DDHD1: variants seen among roughly 807,000 people sequenced by gnomAD.
DDHD1 encodes the protein phospholipase DDHD1.
A neutral mutation model predicts 96.4 loss-of-function variants in DDHD1; 49 were observed. The ratio of observed to expected loss-of-function variants is 0.51; its 90% CI spans 0.40 to 0.64. DDHD1 has a LOEUF of 0.64. Ranked by LOEUF, DDHD1 falls within the 30% of genes least tolerant of loss-of-function variation. DDHD1 has a pLI of 0.00. For synonymous variants in DDHD1, 442 were observed against 446.5 expected (o/e 0.99, Z 0.13); for missense variants, 1,106 against 1,161.2 (o/e 0.95, Z 0.69).
intron 2 of DDHD1, among the ~76,000 whole-genome samples, chr14:53,094,973 T>G (rs1266113957): frequency 1.3e-5 from 2 of 152,312 alleles, no homozygotes; most frequent in East Asian, 3.9e-4. Context: ...AGCCAGGGAA[T>G]GTGTCTTGAC....
intron 1 of DDHD1, among the ~76,000 whole-genome samples, chr14:53,105,591 C>T (rs113401877): frequency 6.6e-6 from 1 of 152,116 alleles, no homozygotes; most frequent in Non-Finnish European, 1.5e-5. Context: ...CTTTGTTCAG[C>T]AAAATGGAAA....
At chr14:53,147,064 C>A (rs766580565) in intron 1 of DDHD1, among the ~76,000 whole-genome samples, 14 of 151,904 alleles carry the variant, frequency 9.2e-5, no homozygotes, top group Admixed American at 6.6e-4. Context: ...ATCTCTTTTG[C>A]CAATATTTTT....
rs1566615341 is a variant in DDHD1 at position 53,152,595 on chromosome 14, T to C, written c.504A>G (p.Val168=). Residue 168 remains valine, a synonymous_variant, in exon 1 of 13, where the codon GTA becomes GTG. Transcript: ENST00000673822. ...TCTTGTCCTCCTTGTAGAACCAGCG[T>C]ACCTCCTCCGGGCCCAGCTCCGTCA... ...EVVTELGPEE[V]RWFYKEDKKT... is the part of the protein sequence containing the mutation. 6.2e-7 allele frequency: 1 copy of C among 1,613,786 alleles called. No homozygotes were observed. The highest frequency in any genetic ancestry group is 2.2e-5 in the East Asian group (1 of 44,844).
rs767690171 is a variant in DDHD1 at position 53,152,787 on chromosome 14, G to A, written c.312C>T (p.Ser104=). 180 of 1,594,194 alleles carry A rather than the reference G, an allele frequency of 1.1e-4. No homozygotes were observed. Among genetic ancestry groups the A allele is most frequent in the Non-Finnish European group, 1.5e-4 (171 of 1,173,592 alleles). ...TGCCGCCGCCGCCGCTCTCACCCTC[G>A]CTGTAGTAGCGCAGCGAGGAGCCCG... ...AESGSSLRYY[S]EGESGGGGSS... is the part of the protein sequence containing the mutation. Residue 104 remains serine (S), a synonymous_variant, in exon 1 of 13, where the codon AGC becomes AGT. Coordinates refer to ENST00000673822, the MANE Select transcript of DDHD1 (RefSeq NM_001160148.2).
In DDHD1 at chr14:53,153,122, C is replaced by T. The variant is rs1891592156; in HGVS notation, c.-24G>A. The T allele has an allele frequency of 8.8e-6, 12 of 1,369,622 alleles. No individual in the cohort carries two copies. The highest frequency in any genetic ancestry group is 1.1e-5 in the Non-Finnish European group (12 of 1,071,706). The allele number at this position is 1,369,622 out of a possible 1,614,324, so 84.8% of individuals were successfully genotyped here. A position where few individuals can be genotyped will look rare whatever the true frequency, so the allele number is the denominator to read the frequency against. ...ATGCTGTGGAGACGCCGCCGGCTGT[C>T]CGGCGGCGCGCGGAGCCGTGACCCC... is the stretch of plus-strand genomic sequence containing the variant. On this transcript the variant is annotated 5_prime_UTR_variant, in exon 1 of 13. Transcript: ENST00000673822.
intron 4 of DDHD1, among the ~76,000 whole-genome samples, chr14:53,086,985 A>AG (rs1408463028): frequency 2.0e-5 from 3 of 151,082 alleles, no homozygotes; most frequent in Non-Finnish European, 4.4e-5. Context: ...AAAAAAAAAA[A>AG]AAAAAAAAAG....
At chr14:53,132,988 G>A (rs150761224) in intron 1 of DDHD1, among the ~76,000 whole-genome samples, 91 of 152,270 alleles carry the variant, frequency 6.0e-4, no homozygotes, top group African/African-American at 2.1e-3. Flanking sequence ...TTGGAACAAG[G>A]AAAATATCTC....
chr14:53,128,401 C>G (rs927967268), intron 1 of DDHD1, among the ~76,000 whole-genome samples: 1 of 152,170 alleles, frequency 6.6e-6, no homozygotes, highest in African/African-American at 2.4e-5. Context: ...GATTTGGTGT[C>G]TGGTGAGGGT....
At chr14:53,098,139 C>A (rs1339013618) in intron 2 of DDHD1, among the ~76,000 whole-genome samples, 1 of 151,878 alleles carries the variant, frequency 6.6e-6, no homozygotes, top group Non-Finnish European at 1.5e-5. Flanking sequence ...CCAGAAAGCA[C>A]TATTTAATTT....
At chr14:53,050,917 A>T (rs938373980) in intron 12 of DDHD1, among the ~76,000 whole-genome samples, 3 of 152,062 alleles carry the variant, frequency 2.0e-5, no homozygotes, top group Non-Finnish European at 4.4e-5. Flanking sequence ...CCAACCAAAA[A>T]TGCAAAAAAC....
At chr14:53,051,562 A>G (rs1189316776) in intron 12 of DDHD1, among the ~76,000 whole-genome samples, 3 of 152,044 alleles carry the variant, frequency 2.0e-5, no homozygotes, top group Non-Finnish European at 4.4e-5. Flanking sequence ...GACAATAAAG[A>G]AGGAAGAAAA....
chr14:53,051,469 G>A (rs1882559154), intron 12 of DDHD1, among the ~76,000 whole-genome samples: 1 of 151,876 alleles, frequency 6.6e-6, no homozygotes, highest in South Asian at 2.1e-4. Flanking sequence ...CAAGAATGAT[G>A]ACATTCTTTG....
At chr14:53,115,750 C>G (rs139311722) in intron 1 of DDHD1, among the ~76,000 whole-genome samples, 155 of 152,224 alleles carry the variant, frequency 1.0e-3, no homozygotes, top group African/African-American at 3.4e-3. Flanking sequence ...AAAGGAAAAA[C>G]CGATACCAGC....
chr14:53,054,448 G>C lies in DDHD1; in HGVS notation c.2427C>G (p.Leu809=). 1 of 1,613,286 alleles carries C rather than the reference G, an allele frequency of 6.2e-7. No homozygotes were observed. The highest frequency in any genetic ancestry group is 1.1e-5 in the South Asian group (1 of 90,980). Residue 809 remains leucine, a synonymous_variant, in exon 11 of 13, where the codon CTC becomes CTG. Transcript: ENST00000673822. ...QTLPHSSSGF[L]DSAYFRLQES... ...AATGTATGAACTAACATGCAGAATCGAGGAAGCCAGAACTGCTATGTGGAA... is the reference window on the plus strand; with the variant it reads ...AATGTATGAACTAACATGCAGAATCCAGGAAGCCAGAACTGCTATGTGGAA...
At chr14:53,061,984 G>A (rs2139865787) in intron 7 of DDHD1, among the ~76,000 whole-genome samples, 1 of 140,550 alleles carries the variant, frequency 7.1e-6, no homozygotes, top group South Asian at 2.2e-4. Context: ...GTAGTGAGCT[G>A]AGACCGTGCC....
intron 6 of DDHD1, among the ~76,000 whole-genome samples, chr14:53,071,363 A>G (rs890862453): frequency 6.6e-6 from 1 of 151,894 alleles, no homozygotes; most frequent in Non-Finnish European, 1.5e-5. Context: ...TTTCAGAGGG[A>G]AAAAAAAGAA....
chr14:53,122,171 T>C (rs769505798), intron 1 of DDHD1, among the ~76,000 whole-genome samples: 1 of 152,188 alleles, frequency 6.6e-6, no homozygotes, highest in Non-Finnish European at 1.5e-5. Context: ...AGATTTTAAT[T>C]TTTGGCAGCG....
chr14:53,063,231 A>G lies in DDHD1; in HGVS notation c.1504-26T>C, dbSNP rs748235599. ...CTGTTTGAAATAAGAAAACATTATCATATTAGACTTGTCACTGACTACTAT... is the reference window on the plus strand; with the variant it reads ...CTGTTTGAAATAAGAAAACATTATCGTATTAGACTTGTCACTGACTACTAT... On this transcript the variant is annotated intron_variant, in intron 6 of 12. Transcript: ENST00000673822. 1.9e-6 allele frequency: 3 copies of G among 1,604,404 alleles called. No individual in the cohort carries two copies. The African/African-American group carries it at 4.0e-5, about 22-fold the overall frequency.
chr14:53,123,649 T>C (rs751560273), intron 1 of DDHD1, among the ~76,000 whole-genome samples: 1 of 152,112 alleles, frequency 6.6e-6, no homozygotes, highest in African/African-American at 2.4e-5. Flanking sequence ...ATGCAAGTTT[T>C]AGGAGGATGC....
Sources: allele counts gnomAD v4.1 joint callset (sites outside exome capture counted in the v4.1 genomes callset), GRCh38; gene constraint gnomAD v4.1.1; transcripts MANE v1.5; gene names NCBI Gene and HGNC (gene_info 2026-07-23, HGNC 2026-07-21).